Variants in AGTR1 observed in about 807,000 individuals in gnomAD.
AGTR1 encodes type-1 angiotensin II receptor.
Under a neutral mutation model 19.4 loss-of-function variants are expected in AGTR1, and 16 were observed. That is an observed-to-expected ratio of 0.82 (90% CI 0.56 to 1.25). The LOEUF (loss-of-function observed/expected upper bound fraction) is 1.25. Among genes scored for constraint, AGTR1 ranks in the 50% most tolerant of loss-of-function variants. The pLI, the probability that AGTR1 is intolerant of heterozygous loss-of-function variation, is 0.00. For missense variants in AGTR1, 373 were observed against 431.9 expected, an observed-to-expected ratio of 0.86 and a Z score of 1.21; for synonymous variants, 153 against 154.9, an observed-to-expected ratio of 0.99 and a Z score of 0.09.
At chr3:148,715,687 G>A (rs1284670157) in intron 2 of AGTR1, among the ~76,000 whole-genome samples, 1 of 152,074 alleles carries the variant, frequency 6.6e-6, no homozygotes, top group African/African-American at 2.4e-5. Context: ...CACTGTTTTA[G>A]TCAAATAAGA....
At position 148,741,962 on chromosome 3, in the gene AGTR1, TAA is replaced by T; in HGVS notation, c.930_931del (p.Arg311IlefsTer33). ...TTTATGGCTTTCTGGGGAAAAAATTTAAAAGATATTTTCTCCAGCTTCTAAAA... is the reference window on the plus strand; with the variant it reads ...TTTATGGCTTTCTGGGGAAAAAATTTAAGATATTTTCTCCAGCTTCTAAAA... ...LFYGFLGKKFKRYFLQLLKYI... is the reference protein window; with the variant it reads ...LFYGFLGKKFXRYFLQLLKYI... On this transcript the variant is annotated frameshift_variant, in exon 3 of 3. Coordinates refer to ENST00000349243, the MANE Select transcript of AGTR1 (RefSeq NM_000685.5). LOFTEE classifies it high-confidence loss of function. 6.2e-7 allele frequency: 1 copy of T among 1,613,870 alleles called. No individual in the cohort carries two copies. The highest frequency in any genetic ancestry group is 8.5e-7 in the Non-Finnish European group (1 of 1,179,976).
intron 2 of AGTR1, chr3:148,739,945 G>A (rs998148372): frequency 5.7e-6 from 7 of 1,231,838 alleles, no homozygotes; most frequent in Non-Finnish European, 3.0e-6. Flanking sequence ...GAGTGTGGCT[G>A]TACCACATTC....
chr3:148,708,255 C>G (rs1712785961), intron 2 of AGTR1, among the ~76,000 whole-genome samples: 1 of 152,174 alleles, frequency 6.6e-6, no homozygotes, highest in South Asian at 2.1e-4. Context: ...TAAGCTATTT[C>G]CATTCATGTA....
intron 2 of AGTR1, among the ~76,000 whole-genome samples, chr3:148,736,579 T>C (rs1260784310): frequency 6.6e-6 from 1 of 152,208 alleles, no homozygotes; most frequent in South Asian, 2.1e-4. Context: ...ATTATCTCAC[T>C]TTATTCCTAC....
rs527515255 is a variant in AGTR1, at chr3:148,698,013, C to T, written c.-246C>T. On this transcript the variant is annotated 5_prime_UTR_variant, in exon 1 of 3. Transcript: ENST00000349243. ...CGCGGCGGTGATCGATGGGGAGCGG[C>T]TGGAGCGGACCCAGCGAGTGAGGGC... The T allele has an allele frequency of 6.6e-6, 1 of 152,350 alleles. No homozygotes were observed. Among genetic ancestry groups the T allele is most frequent in the Non-Finnish European group, 1.5e-5 (1 of 68,060 alleles). 9.4% of individuals were successfully genotyped at this position (152,350 alleles called of 1,614,324 possible). A position where few individuals can be genotyped will look rare whatever the true frequency, so the allele number is the denominator to read the frequency against.
chr3:148,701,327 C>T (rs945779165), intron 1 of AGTR1, among the ~76,000 whole-genome samples: 1 of 152,180 alleles, frequency 6.6e-6, no homozygotes, highest in Non-Finnish European at 1.5e-5. Context: ...TTGCTGCTAG[C>T]TGTGGTTGTA....
chr3:148,711,569 A>G (rs1712985051), intron 2 of AGTR1, among the ~76,000 whole-genome samples: 2 of 152,186 alleles, frequency 1.3e-5, no homozygotes, highest in Non-Finnish European at 2.9e-5. Context: ...TTTTTTTTCA[A>G]TAAACAGAAA....
At position 148,741,803 on chromosome 3, in the gene AGTR1, C is replaced by G; in HGVS notation, c.768C>G (p.His256Gln). Residue 256 changes from histidine to glutamine, a missense_variant, in exon 3 of 3, where the codon CAC becomes CAG. Transcript: ENST00000349243. ...VLFFFFSWIP[H>Q]QIFTFLDVLI... Reference sequence around the variant, plus strand: ...TCTTTTTCTTTTCCTGGATTCCCCACCAAATATTCACTTTTCTGGATGTAT... The same window carrying G: ...TCTTTTTCTTTTCCTGGATTCCCCAGCAAATATTCACTTTTCTGGATGTAT... 6.2e-7 allele frequency: 1 copy of G among 1,613,294 alleles called. No homozygotes were observed. The highest frequency in any genetic ancestry group is 8.5e-7 in the Non-Finnish European group (1 of 1,179,936).
At position 148,715,579 on chromosome 3, in the gene AGTR1, T is replaced by G. The variant is rs146489937; in HGVS notation, c.-48+7552T>G. On this transcript the variant is annotated intron_variant, in intron 2 of 2. Transcript: ENST00000349243. Reference sequence around the variant, plus strand: ...TGAGAAAAAAATGCAGCTTCCTTTATCTGAGAAAAACAATAGTAGCTCAAT... The same window carrying G: ...TGAGAAAAAAATGCAGCTTCCTTTAGCTGAGAAAAACAATAGTAGCTCAAT... 3.4e-3 allele frequency among the ~76,000 whole-genome samples: 520 copies of G among 152,288 alleles called. 2 individuals are homozygous for G. The highest frequency in any genetic ancestry group is 0.01 in the Middle Eastern group (3 of 294).
intron 1 of AGTR1, among the ~76,000 whole-genome samples, chr3:148,699,372 C>G (rs1250508574): frequency 6.6e-6 from 1 of 152,174 alleles, no homozygotes; most frequent in Non-Finnish European, 1.5e-5. Context: ...TAAGTCTTCT[C>G]TAAGGAAGAA....
chr3:148,706,706 C>T lies in AGTR1; in HGVS notation c.-131-1238C>T, dbSNP rs182901288. ...TGAGCAAAAGCCATGGCTGAGAAAA[C>T]TCGTAGAAGAATTACTATGGAAACA... On this transcript the variant is annotated intron_variant, in intron 1 of 2. Transcript: ENST00000349243. 5.3e-5 allele frequency among the ~76,000 whole-genome samples: 8 copies of T among 151,988 alleles called. No homozygotes were observed. The East Asian group carries it at 1.5e-3, about 29-fold the overall frequency.
chr3:148,736,269 A>G (rs1290898382), intron 2 of AGTR1, among the ~76,000 whole-genome samples: 2 of 152,226 alleles, frequency 1.3e-5, no homozygotes, highest in East Asian at 3.9e-4. Flanking sequence ...TTTGGCCACA[A>G]TGAGCCAACA....
chr3:148,742,301 A>T lies in AGTR1; in HGVS notation c.*186A>T, dbSNP rs1189711977. The T allele has an allele frequency of 1.1e-6, 1 of 879,500 alleles. No homozygotes were observed. Among genetic ancestry groups the T allele is most frequent in the African/African-American group, 1.7e-5 (1 of 60,254 alleles). 54.5% of individuals were successfully genotyped at this position (879,500 alleles called of 1,614,324 possible). A position where few individuals can be genotyped will look rare whatever the true frequency, so the allele number is the denominator to read the frequency against. On this transcript the variant is annotated 3_prime_UTR_variant, in exon 3 of 3. Coordinates refer to ENST00000349243, the MANE Select transcript of AGTR1 (RefSeq NM_000685.5). Reference sequence around the variant, plus strand: ...AGCTTTTCTTTCCTTTTGCAACAAGACAAAGCAAAGCCACATTTTGCATTA... The same window carrying T: ...AGCTTTTCTTTCCTTTTGCAACAAGTCAAAGCAAAGCCACATTTTGCATTA...
chr3:148,723,388 C>A (rs2107950492), intron 2 of AGTR1, among the ~76,000 whole-genome samples: 1 of 152,302 alleles, frequency 6.6e-6, no homozygotes, highest in Middle Eastern at 3.4e-3. Flanking sequence ...AGTCATCTAG[C>A]CAGGGCCACT....
Position 148,707,070 on chromosome 3 carries a change from A to G in AGTR1, c.-131-874A>G, listed in dbSNP as rs553217584. Among the ~76,000 whole-genome samples, 20 of 152,240 alleles carry G rather than the reference A, an allele frequency of 1.3e-4. No homozygotes were observed. In the South Asian group the frequency reaches 4.1e-3, roughly 32 times the overall value. On this transcript the variant is annotated intron_variant, in intron 1 of 2. Coordinates refer to ENST00000349243, the MANE Select transcript of AGTR1 (RefSeq NM_000685.5). ...AAAGATTAAGGCTCATTAATAGCAG[A>G]CTGGTTAAATAAACTATGTGTGAGT...
chr3:148,733,304 A>G (rs1338449323), intron 2 of AGTR1, among the ~76,000 whole-genome samples: 2 of 152,222 alleles, frequency 1.3e-5, no homozygotes, highest in Non-Finnish European at 2.9e-5. Context: ...GGCTTGTATA[A>G]TGTTAAAAGC....
At chr3:148,704,310 G>A (rs1480871011) in intron 1 of AGTR1, among the ~76,000 whole-genome samples, 6 of 151,956 alleles carry the variant, frequency 3.9e-5, no homozygotes, top group Admixed American at 3.3e-4. Flanking sequence ...AGGCTGCAGT[G>A]AGCCATGATC....
chr3:148,735,662 G>T (rs1714534046), intron 2 of AGTR1, among the ~76,000 whole-genome samples: 1 of 152,276 alleles, frequency 6.6e-6, no homozygotes, highest in African/African-American at 2.4e-5. Context: ...ATCTGAAAAA[G>T]AAACGAGTAA....
chr3:148,698,930 T>A (rs965517636), intron 1 of AGTR1, among the ~76,000 whole-genome samples: 7 of 151,928 alleles, frequency 4.6e-5, no homozygotes, highest in African/African-American at 1.7e-4. Context: ...AGTGCCAGCC[T>A]GCTATAGTCT....
Sources: allele counts gnomAD v4.1 joint callset (sites outside exome capture counted in the v4.1 genomes callset), GRCh38; gene constraint gnomAD v4.1.1; transcripts MANE v1.5; gene names NCBI Gene and HGNC (gene_info 2026-07-23, HGNC 2026-07-21).